ZCCHC10: variants seen among roughly 807,000 people sequenced by gnomAD.
The protein encoded by ZCCHC10 is zinc finger CCHC domain-containing protein 10.
ZCCHC10 carries 16 observed loss-of-function variants against 19.5 expected under a neutral mutation model. That is an observed-to-expected ratio of 0.82 (90% CI 0.56 to 1.25). The LOEUF (loss-of-function observed/expected upper bound fraction) is 1.25. Among genes scored for constraint, ZCCHC10 ranks in the 50% most tolerant of loss-of-function variants. The pLI is 0.00. For missense variants in ZCCHC10, 197 were observed against 201.0 expected (o/e 0.98, Z 0.12); for synonymous variants, 67 against 72.5 (o/e 0.92, Z 0.38).
chr5:133,025,396 C>T (rs554488336), intron 1 of ZCCHC10, among the ~76,000 whole-genome samples: 1 of 145,504 alleles, frequency 6.9e-6, no homozygotes, highest in South Asian at 2.3e-4. Flanking sequence ...CCCAGCTACT[C>T]GGGAGGCTGA....
intron 3 of ZCCHC10, 70 bp from the exon 4 acceptor site, chr5:133,000,243 T>C (rs1432961402): frequency 1.3e-6 from 2 of 1,541,710 alleles, no homozygotes; most frequent in East Asian, 2.3e-5. Context: ...CAAGCCCTTC[T>C]ACTATCCCCC....
At position 132,999,630 on chromosome 5, in the gene ZCCHC10, T is replaced by C. The variant is rs186461916; in HGVS notation, c.311+502A>G. On this transcript the variant is annotated intron_variant, in intron 4 of 4. Coordinates refer to ENST00000509437, the MANE Select transcript of ZCCHC10 (RefSeq NM_001300816.3). ...TCCACGTACAAGGACTCTAGAAAGT[T>C]GGAGTAAAAGGAGAAATGGAAGCAA... Among the ~76,000 whole-genome samples, 104 of 152,254 alleles carry C rather than the reference T, an allele frequency of 6.8e-4. 1 individual carries two copies. Among genetic ancestry groups the C allele is most frequent in the South Asian group, 1.4e-3 (7 of 4,830 alleles).
intron 2 of ZCCHC10, among the ~76,000 whole-genome samples, chr5:133,018,093 C>T (rs1174130775): frequency 1.3e-5 from 2 of 148,456 alleles, no homozygotes; most frequent in East Asian, 2.0e-4. Flanking sequence ...TGCAGTGAGC[C>T]GAGATCGCAC....
intron 3 of ZCCHC10, among the ~76,000 whole-genome samples, chr5:133,002,176 T>C (rs923482471): frequency 3.3e-5 from 5 of 151,810 alleles, no homozygotes; most frequent in African/African-American, 4.8e-5. Context: ...TTAGCCAGGA[T>C]GGTCTCGATC....
chr5:133,023,041 G>C (rs1284017596), intron 1 of ZCCHC10, 135 bp from the exon 2 acceptor site: 1 of 398,682 alleles, frequency 2.5e-6, no homozygotes, highest in Non-Finnish European at 4.4e-6. Context: ...TGAAATCATA[G>C]CAAGGTTCAA....
At chr5:133,011,948 G>A (rs1403077177) in intron 2 of ZCCHC10, among the ~76,000 whole-genome samples, 2 of 151,658 alleles carry the variant, frequency 1.3e-5, no homozygotes, top group South Asian at 2.1e-4. Context: ...TGGGCAACAT[G>A]GTGAAAGCCC....
chr5:133,011,038 C>G (rs965721779), intron 2 of ZCCHC10, among the ~76,000 whole-genome samples: 1 of 152,018 alleles, frequency 6.6e-6, no homozygotes, highest in African/African-American at 2.4e-5. Context: ...GTGATCCACC[C>G]ACCTTGGCCT....
Position 132,997,353 on chromosome 5 carries a change from T to C in ZCCHC10, c.*1230A>G, listed in dbSNP as rs895303061. 4.6e-5 allele frequency: 7 copies of C among 152,194 alleles called. No individual in the cohort carries two copies. The highest frequency in any genetic ancestry group is 1.0e-4 in the Non-Finnish European group (7 of 68,024). The allele number at this position is 152,194 out of a possible 1,614,324, so 9.4% of individuals were successfully genotyped here. A position where few individuals can be genotyped will look rare whatever the true frequency, so the allele number is the denominator to read the frequency against. On this transcript the variant is annotated 3_prime_UTR_variant, in exon 5 of 5. Coordinates refer to ENST00000509437, the MANE Select transcript of ZCCHC10 (RefSeq NM_001300816.3). The stretch of plus-strand genomic sequence containing the variant: ...AAAAATATAAAAAAGACAACATTTA[T>C]AGTTTTAAAAACCTATATTTAACCC...
chr5:133,013,071 A>T (rs1359050239), intron 2 of ZCCHC10, among the ~76,000 whole-genome samples: 6 of 148,430 alleles, frequency 4.0e-5, no homozygotes, highest in African/African-American at 9.8e-5. Flanking sequence ...TAAAAAAAAA[A>T]AAAAATAATA....
At chr5:133,005,504 C>G (rs957739977) in intron 3 of ZCCHC10, among the ~76,000 whole-genome samples, 1 of 152,004 alleles carries the variant, frequency 6.6e-6, no homozygotes, top group South Asian at 2.1e-4. Flanking sequence ...GTCTCAGCTA[C>G]TGGGGAGGCT....
At chr5:133,015,860 A>G (rs983458188) in intron 2 of ZCCHC10, among the ~76,000 whole-genome samples, 1 of 152,228 alleles carries the variant, frequency 6.6e-6, no homozygotes, top group Non-Finnish European at 1.5e-5. Flanking sequence ...ACTAATAATT[A>G]TTTTGTGGGC....
chr5:133,024,953 A>G (rs1764572351), intron 1 of ZCCHC10, among the ~76,000 whole-genome samples: 1 of 152,068 alleles, frequency 6.6e-6, no homozygotes, highest in Non-Finnish European at 1.5e-5. Context: ...TCCTTCACCA[A>G]GCTTACTACT....
At chr5:133,006,011 G>C in intron 3 of ZCCHC10, among the ~76,000 whole-genome samples, 1 of 124,654 alleles carries the variant, frequency 8.0e-6, no homozygotes, top group South Asian at 2.5e-4. Context: ...TTGAGACAGA[G>C]TCTCCCTCTG....
At chr5:133,006,662 T>A in intron 3 of ZCCHC10, 97 bp downstream of exon 3, 1 of 1,200,864 alleles carries the variant, frequency 8.3e-7, no homozygotes, top group Non-Finnish European at 1.1e-6. Context: ...AACATTATAA[T>A]TAAAATCTGG....
At position 132,997,125 on chromosome 5, in the gene ZCCHC10, G is replaced by A. The variant is rs1310239444; in HGVS notation, c.*1458C>T. 1 of 152,080 alleles carries A rather than the reference G, an allele frequency of 6.6e-6. No homozygotes were observed. The highest frequency in any genetic ancestry group is 1.9e-4 in the East Asian group (1 of 5,196). The allele number at this position is 152,080 out of a possible 1,614,324, so 9.4% of individuals were successfully genotyped here. A position where few individuals can be genotyped will look rare whatever the true frequency, so the allele number is the denominator to read the frequency against. On this transcript the variant is annotated 3_prime_UTR_variant, in exon 5 of 5. Coordinates refer to ENST00000509437, the MANE Select transcript of ZCCHC10 (RefSeq NM_001300816.3). Reference sequence around the variant, plus strand: ...AAACATTATAAAATGTGCCTGATTGGTAATTTATTAACTCTATCTGTCAAG... The same window carrying A: ...AAACATTATAAAATGTGCCTGATTGATAATTTATTAACTCTATCTGTCAAG...
At chr5:133,011,725 G>A (rs890952716) in intron 2 of ZCCHC10, among the ~76,000 whole-genome samples, 1 of 151,372 alleles carries the variant, frequency 6.6e-6, no homozygotes, top group Non-Finnish European at 1.5e-5. Context: ...AGACTGGAAG[G>A]TTCAGTATTA....
At position 133,020,676 on chromosome 5, in the gene ZCCHC10, G is replaced by A. The variant is rs546386615; in HGVS notation, c.107+2165C>T. 1.2e-4 allele frequency among the ~76,000 whole-genome samples: 18 copies of A among 149,268 alleles called. No individual in the cohort carries two copies. The East Asian group carries it at 3.3e-3, about 27-fold the overall frequency. ...AACTAATAAATTAGTAAGGTCAGAG[G>A]ACATAAGATCATTAGACACAAGACT... On this transcript the variant is annotated intron_variant, in intron 2 of 4. Transcript: ENST00000509437.
chr5:133,000,040 A>C, intron 4 of ZCCHC10, 92 bp downstream of exon 4: 3 of 1,428,436 alleles, frequency 2.1e-6, no homozygotes, highest in Non-Finnish European at 2.9e-6. Context: ...GAGCCACTGC[A>C]TCTGGCATAG....
At chr5:133,026,406 G>T in intron 1 of ZCCHC10, 91 bp downstream of exon 1, 1 of 1,528,584 alleles carries the variant, frequency 6.5e-7, no homozygotes, top group Non-Finnish European at 8.9e-7. Context: ...GACATTCTCC[G>T]CCGGTCCCAA....
Sources: gnomAD v4.1 joint callset for allele counts (sites outside exome capture counted in the v4.1 genomes callset) on GRCh38, gnomAD v4.1.1 for gene constraint, MANE v1.5 for transcripts, NCBI Gene and HGNC (gene_info 2026-07-23, HGNC 2026-07-21) for gene names.